Variants in GABRB3 observed in about 807,000 individuals in gnomAD.
GABRB3 encodes gamma-aminobutyric acid receptor subunit beta-3.
GABRB3 carries 14 observed loss-of-function variants against 52.1 expected under a neutral mutation model. That is an observed-to-expected ratio of 0.27 (90% CI 0.18 to 0.42). The LOEUF (loss-of-function observed/expected upper bound fraction) is 0.42, where lower values mean the gene tolerates loss of function less well. GABRB3 is among the 10% of genes least tolerant of loss of function. The pLI is 1.00. For missense variants in GABRB3, 307 were observed against 609.1 expected, an observed-to-expected ratio of 0.50 and a Z score of 5.22; for synonymous variants, 260 against 232.3, an observed-to-expected ratio of 1.12 and a Z score of -1.08.
At chr15:26,588,766 T>A (rs921273376) in intron 4 of GABRB3, among the ~76,000 whole-genome samples, 1 of 152,202 alleles carries the variant, frequency 6.6e-6, no homozygotes, top group Non-Finnish European at 1.5e-5. Flanking sequence ...AATGAGTAAA[T>A]GCCGAAAATA....
chr15:26,566,195 C>T lies in GABRB3; in HGVS notation c.835+1386G>A, dbSNP rs545378202. ...GAAATACATAACAATTAAAACAGCA[C>T]TTTCAGTTTTTTGCAGCTTTACTCT... is the stretch of plus-strand genomic sequence containing the variant. On this transcript the variant is annotated intron_variant, in intron 7 of 8. Transcript: ENST00000311550. Among the ~76,000 whole-genome samples, 74 of 152,132 alleles carry T rather than the reference C, an allele frequency of 4.9e-4. 1 individual carries two copies. The highest frequency in any genetic ancestry group is 4.1e-3 in the South Asian group (20 of 4,824).
At chr15:26,772,230 G>C in intron 3 of GABRB3, 172 bp downstream of exon 3, 1 of 538,416 alleles carries the variant, frequency 1.9e-6, no homozygotes, top group East Asian at 3.5e-5. Flanking sequence ...GCCCGGGGCG[G>C]GTGCAGGGAG....
chr15:26,725,630 C>T (rs997266204), intron 3 of GABRB3, among the ~76,000 whole-genome samples: 3 of 152,148 alleles, frequency 2.0e-5, no homozygotes, highest in Non-Finnish European at 4.4e-5. Flanking sequence ...AGTTGACTAT[C>T]CCTTATTCAA....
intron 3 of GABRB3, among the ~76,000 whole-genome samples, chr15:26,680,816 C>A (rs1888216158): frequency 6.6e-6 from 1 of 152,194 alleles, no homozygotes; most frequent in Non-Finnish European, 1.5e-5. Flanking sequence ...GAGAATGCAG[C>A]TTGCTCCCTT....
chr15:26,763,385 G>A (rs573588175), intron 3 of GABRB3, among the ~76,000 whole-genome samples: 148 of 152,236 alleles, frequency 9.7e-4, no homozygotes, highest in African/African-American at 3.4e-3. Flanking sequence ...TTTACTGCAA[G>A]GGCCATTGAC....
intron 3 of GABRB3, among the ~76,000 whole-genome samples, chr15:26,632,105 C>G (rs1004891983): frequency 1.3e-5 from 2 of 152,226 alleles, no homozygotes; most frequent in African/African-American, 4.8e-5. Context: ...ACCTCACTGT[C>G]TTATGCCTGT....
At chr15:26,723,976 G>C (rs1028539918) in intron 3 of GABRB3, among the ~76,000 whole-genome samples, 2 of 152,164 alleles carry the variant, frequency 1.3e-5, no homozygotes, top group Non-Finnish European at 2.9e-5. Flanking sequence ...ACATTCCTCA[G>C]CAGGGAACCT....
At chr15:26,745,782 G>T (rs922917235) in intron 3 of GABRB3, among the ~76,000 whole-genome samples, 8 of 152,224 alleles carry the variant, frequency 5.3e-5, no homozygotes, top group African/African-American at 1.4e-4. Context: ...TTTGGTGCCT[G>T]TAGCAATAGT....
At chr15:26,609,483 C>T (rs773470586) in intron 4 of GABRB3, among the ~76,000 whole-genome samples, 3 of 152,194 alleles carry the variant, frequency 2.0e-5, no homozygotes, top group Admixed American at 6.6e-5. Flanking sequence ...CGATATAAAA[C>T]GCATTTTAAA....
intron 3 of GABRB3, among the ~76,000 whole-genome samples, chr15:26,692,641 A>C (rs897212115): frequency 1.1e-4 from 17 of 152,174 alleles, no homozygotes; most frequent in African/African-American, 4.1e-4. Context: ...ATGGCTGACT[A>C]CTATTTGGAG....
intron 3 of GABRB3, among the ~76,000 whole-genome samples, chr15:26,743,262 A>G (rs1890257700): frequency 6.6e-6 from 1 of 152,074 alleles, no homozygotes; most frequent in Admixed American, 6.6e-5. Context: ...GGCACACATG[A>G]AATAGACAAT....
intron 5 of GABRB3, 27 bp from the exon 6 acceptor site, chr15:26,580,483 C>T: frequency 6.2e-7 from 1 of 1,613,954 alleles, no homozygotes; most frequent in Non-Finnish European, 8.5e-7. Context: ...AGGGAGACAG[C>T]AAACATCACC....
chr15:26,676,018 C>T (rs1888057691), intron 3 of GABRB3, among the ~76,000 whole-genome samples: 1 of 152,146 alleles, frequency 6.6e-6, no homozygotes, highest in South Asian at 2.1e-4. Flanking sequence ...CAAGGAGAGA[C>T]TCTTTGTCAT....
chr15:26,615,467 G>C (rs982852819), intron 4 of GABRB3: 1 of 986,736 alleles, frequency 1.0e-6, no homozygotes, highest in African/African-American at 1.7e-5. Context: ...TCAAGCTCAA[G>C]GGGCTACAAG....
intron 3 of GABRB3, chr15:26,624,785 G>C (rs901698920): frequency 7.9e-5 from 78 of 985,502 alleles, no homozygotes; most frequent in Admixed American, 6.8e-4. Context: ...CAAAGGGAAG[G>C]GGGTGGTGGA....
intron 3 of GABRB3, among the ~76,000 whole-genome samples, chr15:26,753,827 C>G (rs1163156101): frequency 1.3e-5 from 2 of 152,118 alleles, no homozygotes; most frequent in Admixed American, 1.3e-4. Context: ...GAGAAATACA[C>G]TGGTCTGGGG....
chr15:26,754,677 T>G (rs2140175780), intron 3 of GABRB3, among the ~76,000 whole-genome samples: 1 of 152,258 alleles, frequency 6.6e-6, no homozygotes, highest in South Asian at 2.1e-4. Flanking sequence ...CAAAGTAAAC[T>G]AATGGTTCAC....
intron 7 of GABRB3, among the ~76,000 whole-genome samples, chr15:26,563,860 T>C (rs1329563499): frequency 6.6e-6 from 1 of 152,184 alleles, no homozygotes; most frequent in African/African-American, 2.4e-5. Context: ...ATTTGTCATT[T>C]AGATTATGTA....
intron 7 of GABRB3, among the ~76,000 whole-genome samples, chr15:26,561,775 A>C (rs1889996974): frequency 6.6e-6 from 1 of 152,170 alleles, no homozygotes; most frequent in Admixed American, 6.5e-5. Context: ...AAGAGAAAGA[A>C]ATAGCTGAGT....
Sources: gnomAD v4.1 joint callset for allele counts (sites outside exome capture counted in the v4.1 genomes callset) on GRCh38, gnomAD v4.1.1 for gene constraint, MANE v1.5 for transcripts, NCBI Gene and HGNC (gene_info 2026-07-23, HGNC 2026-07-21) for gene names.